ZNF654: variants seen among roughly 807,000 people sequenced by gnomAD.
The protein encoded by ZNF654 is melanoma-associated antigen.
A neutral mutation model predicts 95.3 loss-of-function variants in ZNF654; 19 were observed. The ratio of observed to expected loss-of-function variants is 0.20; its 90% CI spans 0.14 to 0.29. The LOEUF is 0.29. Ranked by LOEUF, ZNF654 falls within the 10% of genes least tolerant of loss-of-function variation. ZNF654 has a pLI of 1.00. For synonymous variants in ZNF654, 413 were observed against 457.9 expected, an observed-to-expected ratio of 0.90 and a Z score of 1.25; for missense variants, 1,046 against 1,341.0, an observed-to-expected ratio of 0.78 and a Z score of 3.44.
intron 1 of ZNF654, among the ~76,000 whole-genome samples, chr3:88,070,561 CT>C: frequency 1.1e-5 from 1 of 92,694 alleles, no homozygotes; most frequent in African/African-American, 3.8e-5. Flanking sequence ...GCAACACTGC[CT>C]GTTTTTTTTT....
intron 4 of ZNF654, among the ~76,000 whole-genome samples, chr3:88,127,620 G>A (rs4432672): frequency 0.78 from 119,109 of 152,018 alleles, 47,578 homozygotes; most frequent in South Asian, 0.91. Flanking sequence ...TTCAAGAGAA[G>A]TGAGGACAGG....
Position 88,140,235 on chromosome 3 carries a change from G to C in ZNF654, c.2566G>C (p.Glu856Gln), listed in dbSNP as rs762570330. ...TTTTCCAGAATGCCATGAGCTTTTT[G>C]AAGATCTTCCTCTGCTGTATGAACA... is the stretch of plus-strand genomic sequence containing the variant. ...CSFPECHELF[E>Q]DLPLLYEHEA... The change falls in exon 8 of 9, where the codon GAA (glutamate) becomes CAA (glutamine). Residue 856 changes from glutamate (E) to glutamine (Q), a missense_variant. By Grantham distance (29) the Glu-to-Gln change is conservative. Coordinates refer to ENST00000636215, the MANE Select transcript of ZNF654 (RefSeq NM_001350134.2). 6.2e-7 allele frequency: 1 copy of C among 1,603,284 alleles called. No individual in the cohort carries two copies. The highest frequency in any genetic ancestry group is 1.7e-5 in the Admixed American group (1 of 59,590).
At chr3:88,107,922 C>T (rs1346162780) in intron 2 of ZNF654, among the ~76,000 whole-genome samples, 6 of 151,874 alleles carry the variant, frequency 4.0e-5, no homozygotes, top group Non-Finnish European at 7.4e-5. Context: ...CTGTGACTAA[C>T]GTTCTTTTGG....
At position 88,083,337 on chromosome 3, in the gene ZNF654, CT is replaced by C. The variant is rs542857752; in HGVS notation, c.187-2916del. ...ATTTTGACAGTTTTGACTGATGAGT[CT>C]TTTCTCATTCTCACATTAATTTACC... On this transcript the variant is annotated intron_variant, in intron 1 of 8. Coordinates refer to ENST00000636215, the MANE Select transcript of ZNF654 (RefSeq NM_001350134.2). Among the ~76,000 whole-genome samples, 377 of 152,234 alleles carry C rather than the reference CT, an allele frequency of 2.5e-3. 1 individual carries two copies. The highest frequency in any genetic ancestry group is 8.8e-3 in the African/African-American group (364 of 41,554).
chr3:88,117,869 A>G (rs1033227151), intron 3 of ZNF654, among the ~76,000 whole-genome samples: 1 of 152,044 alleles, frequency 6.6e-6, no homozygotes, highest in African/African-American at 2.4e-5. Context: ...GCATAGAGAA[A>G]GTTGTTAAGT....
intron 1 of ZNF654, among the ~76,000 whole-genome samples, chr3:88,082,165 T>C (rs1329133415): frequency 6.6e-6 from 1 of 151,826 alleles, no homozygotes; most frequent in East Asian, 1.9e-4. Context: ...TCTCGCTTTG[T>C]TGCCAGGCTG....
chr3:88,070,902 GTGCAATGA>G (rs1316387173), intron 1 of ZNF654, among the ~76,000 whole-genome samples: 1 of 152,160 alleles, frequency 6.6e-6, no homozygotes, highest in Non-Finnish European at 1.5e-5. Context: ...TCTGTGGGCA[GTGCAATGA>G]TGGATACTTT....
chr3:88,060,219 C>T (rs1341609158), intron 1 of ZNF654, among the ~76,000 whole-genome samples: 1 of 152,046 alleles, frequency 6.6e-6, no homozygotes, highest in Non-Finnish European at 1.5e-5. Context: ...TTAACATCAC[C>T]AACCCCCCTC....
At chr3:88,119,622 G>T (rs1705649804) in intron 3 of ZNF654, among the ~76,000 whole-genome samples, 1 of 150,404 alleles carries the variant, frequency 6.6e-6, no homozygotes, top group African/African-American at 2.4e-5. Flanking sequence ...GTGACCTGTT[G>T]CCTTGACTGA....
At chr3:88,091,175 A>T (rs1708611946) in intron 2 of ZNF654, among the ~76,000 whole-genome samples, 1 of 152,216 alleles carries the variant, frequency 6.6e-6, no homozygotes, top group East Asian at 1.9e-4. Flanking sequence ...TGCATTTCTC[A>T]GAACATATCC....
chr3:88,084,084 C>T (rs1380581010), intron 1 of ZNF654, among the ~76,000 whole-genome samples: 1 of 152,042 alleles, frequency 6.6e-6, no homozygotes, highest in Non-Finnish European at 1.5e-5. Context: ...GTTTATGTCC[C>T]TTTCAGGGTA....
intron 3 of ZNF654, among the ~76,000 whole-genome samples, chr3:88,116,561 T>TACACACAC (rs61470020): frequency 6.6e-6 from 1 of 150,918 alleles, no homozygotes; most frequent in African/African-American, 2.4e-5. Flanking sequence ...TACATATATA[T>TACACACAC]ACACACACAC....
intron 2 of ZNF654, among the ~76,000 whole-genome samples, chr3:88,087,421 A>G (rs529049691): frequency 2.0e-4 from 31 of 152,216 alleles, no homozygotes; most frequent in Non-Finnish European, 2.6e-4. Flanking sequence ...TTCAAATTAA[A>G]GATTAAAAAC....
rs56099925 is a variant in ZNF654, at chr3:88,141,994, A to G, written c.*342A>G. ...GCTATGGCCTTACAGAAAGGGAAAA[A>G]TTAACCCATTATTAAAAAGTGTGTG... On this transcript the variant is annotated 3_prime_UTR_variant, in exon 9 of 9. Coordinates refer to ENST00000636215, the MANE Select transcript of ZNF654 (RefSeq NM_001350134.2). 24,076 of 195,550 alleles carry G rather than the reference A, an allele frequency of 0.12. 2,882 individuals carry two copies. The highest frequency in any genetic ancestry group is 0.34 in the African/African-American group (14,475 of 43,104). The allele number at this position is 195,550 out of a possible 1,614,324, so 12.1% of individuals were successfully genotyped here.
At chr3:88,089,258 G>C (rs867438280) in intron 2 of ZNF654, among the ~76,000 whole-genome samples, 1 of 148,856 alleles carries the variant, frequency 6.7e-6, no homozygotes, top group South Asian at 2.1e-4. Context: ...TTGGGAGGCC[G>C]AGGCGGGTGG....
intron 2 of ZNF654, among the ~76,000 whole-genome samples, chr3:88,102,817 CTTTT>C (rs10701359): frequency 8.4e-5 from 9 of 106,548 alleles, no homozygotes; most frequent in African/African-American, 2.8e-4. Context: ...CCTCTACTGT[CTTTT>C]TTTTTTTTTT....
chr3:88,083,918 T>A (rs1708206344), intron 1 of ZNF654, among the ~76,000 whole-genome samples: 1 of 144,550 alleles, frequency 6.9e-6, no homozygotes, highest in Admixed American at 7.1e-5. Flanking sequence ...TTCATTTTAA[T>A]AGGACAATGT....
intron 7 of ZNF654, among the ~76,000 whole-genome samples, chr3:88,138,492 A>G (rs1282128580): frequency 3.3e-5 from 5 of 152,170 alleles, no homozygotes; most frequent in Admixed American, 3.3e-4. Flanking sequence ...AGAAGCTAAA[A>G]TGCTATCTAT....
intron 6 of ZNF654, among the ~76,000 whole-genome samples, chr3:88,130,305 C>A (rs1188524907): frequency 6.6e-6 from 1 of 152,130 alleles, no homozygotes; most frequent in Non-Finnish European, 1.5e-5. Context: ...TTCATTAATT[C>A]TTAACAGAAA....
Sources: gnomAD v4.1 joint callset for allele counts (sites outside exome capture counted in the v4.1 genomes callset) on GRCh38, gnomAD v4.1.1 for gene constraint, MANE v1.5 for transcripts, NCBI Gene and HGNC (gene_info 2026-07-23, HGNC 2026-07-21) for gene names.